The following P3H2 variants were observed in gnomAD, a reference collection of about 807,000 sequenced individuals.
P3H2 encodes the protein prolyl 3-hydroxylase 2.
In P3H2, 80 loss-of-function variants were observed where a neutral mutation model predicts 87.0. The observed-to-expected ratio is 0.92, with a 90% confidence interval of 0.77 to 1.11. P3H2 has a LOEUF of 1.11. P3H2 is among the 50% of genes least tolerant of loss of function. The probability of loss-of-function intolerance (pLI) is 0.00; values close to 1 mark genes in which losing one functional copy is unlikely to be tolerated. For synonymous variants in P3H2, 367 were observed against 359.3 expected (o/e 1.02, Z -0.24); for missense variants, 1,001 against 923.9 (o/e 1.08, Z -1.08).
intron 1 of P3H2, among the ~76,000 whole-genome samples, chr3:190,000,598 T>C (rs375557638): frequency 1.3e-5 from 2 of 152,322 alleles, no homozygotes; most frequent in East Asian, 1.9e-4. Flanking sequence ...AAGATTTCTC[T>C]TCAATGTAAT....
intron 1 of P3H2, among the ~76,000 whole-genome samples, chr3:190,042,040 C>T (rs1408210344): frequency 1.3e-5 from 2 of 152,130 alleles, no homozygotes; most frequent in East Asian, 3.9e-4. Flanking sequence ...AAACCAATGG[C>T]TTTTGGTAAT....
chr3:190,045,462 T>C (rs1000052201), intron 1 of P3H2, among the ~76,000 whole-genome samples: 6 of 152,124 alleles, frequency 3.9e-5, no homozygotes, highest in Admixed American at 1.3e-4. Context: ...TTTATTCATT[T>C]TTCCTTCCCC....
At chr3:189,973,718 G>T (rs1687245673) in intron 10 of P3H2, among the ~76,000 whole-genome samples, 191 bp downstream of exon 10, 1 of 151,664 alleles carries the variant, frequency 6.6e-6, no homozygotes. Flanking sequence ...TAGAGACGGG[G>T]TTTCACCATG....
At chr3:190,098,502 A>G (rs1430697033) in intron 1 of P3H2, among the ~76,000 whole-genome samples, 1 of 152,206 alleles carries the variant, frequency 6.6e-6, no homozygotes, top group Non-Finnish European at 1.5e-5. Flanking sequence ...TGATAGCACC[A>G]ATAACAATTA....
chr3:189,964,026 C>T lies in P3H2; in HGVS notation c.1966G>A (p.Ala656Thr). The T allele has an allele frequency of 6.2e-7, 1 of 1,614,158 alleles. No homozygotes were observed. Among genetic ancestry groups the T allele is most frequent in the Non-Finnish European group, 8.5e-7 (1 of 1,179,982 alleles). ...SGGENPHGVK[A>T]VTKGKRCAVA... ...GCACACCTCTTTCCCTTGGTGACTG[C>T]CTTCACCCCATGAGGGTTCTCTCCT... Residue 656 changes from alanine to threonine, a missense_variant, in exon 14 of 15, where the codon GCA becomes ACA. Ala to Thr is a moderately conservative substitution (Grantham distance 58). Coordinates refer to ENST00000319332, the MANE Select transcript of P3H2 (RefSeq NM_018192.4).
chr3:189,966,150 A>G (rs1195905868), intron 13 of P3H2, among the ~76,000 whole-genome samples: 1 of 145,752 alleles, frequency 6.9e-6, no homozygotes, highest in East Asian at 2.1e-4. Flanking sequence ...AAAGAAAGAA[A>G]GAAAGAAAGA....
chr3:190,077,501 T>C (rs1484238922), intron 1 of P3H2, among the ~76,000 whole-genome samples: 2 of 152,196 alleles, frequency 1.3e-5, no homozygotes, highest in South Asian at 2.1e-4. Flanking sequence ...AGCAAAAGAA[T>C]GGCCTGAAAT....
chr3:189,964,778 GAC>G (rs1722926261), intron 13 of P3H2, among the ~76,000 whole-genome samples: 1 of 152,208 alleles, frequency 6.6e-6, no homozygotes, highest in Non-Finnish European at 1.5e-5. Flanking sequence ...TTTTAAGACT[GAC>G]ACAGTCCTTC....
intron 1 of P3H2, among the ~76,000 whole-genome samples, chr3:190,027,774 C>G (rs569673681): frequency 1.3e-5 from 2 of 152,136 alleles, no homozygotes; most frequent in African/African-American, 4.8e-5. Context: ...GGATTTCCCT[C>G]TGCTGCTCTT....
chr3:190,105,336 G>A (rs1056127420), intron 1 of P3H2, among the ~76,000 whole-genome samples: 2 of 152,160 alleles, frequency 1.3e-5, no homozygotes, highest in Non-Finnish European at 2.9e-5. Context: ...ATAAAGATCA[G>A]GAACAATCGC....
At chr3:190,031,378 C>CTGT (rs10625841) in intron 1 of P3H2, among the ~76,000 whole-genome samples, 119,324 of 151,574 alleles carry the variant, frequency 0.79, 47,014 homozygotes, top group East Asian at 0.86. Flanking sequence ...GGTCTCATGC[C>CTGT]TGTAATCCCA....
In P3H2 at chr3:189,982,974, C is replaced by T. The variant is rs1478347844; in HGVS notation, c.1324+72G>A. 3 of 1,148,226 alleles carry T rather than the reference C, an allele frequency of 2.6e-6. No individual in the cohort carries two copies. In the Admixed American group the frequency reaches 5.1e-5, roughly 19 times the overall value. 71.1% of individuals were successfully genotyped at this position (1,148,226 alleles called of 1,614,324 possible). ...TAGAGAAAGTGGGTTCTTCCTTGAT[C>T]TGGAAAAGAACTGGTCAAGCCCCAT... On this transcript the variant is annotated intron_variant, in intron 8 of 14. Coordinates refer to ENST00000319332, the MANE Select transcript of P3H2 (RefSeq NM_018192.4).
intron 1 of P3H2, among the ~76,000 whole-genome samples, chr3:190,114,216 C>T (rs1405414568): frequency 1.4e-5 from 2 of 145,612 alleles, no homozygotes; most frequent in Admixed American, 7.1e-5. Context: ...CGGAGTCTTG[C>T]TCTGTCGCCC....
chr3:189,969,402 A>G, intron 13 of P3H2: 1 of 791,916 alleles, frequency 1.3e-6, no homozygotes. Context: ...GCTTCTTAGC[A>G]GTCTCTATAA....
At chr3:190,026,492 T>C (rs553439868) in intron 1 of P3H2, among the ~76,000 whole-genome samples, 10 of 152,286 alleles carry the variant, frequency 6.6e-5, no homozygotes, top group Admixed American at 5.2e-4. Context: ...TCATCCTCAC[T>C]GCTACACTCC....
intron 1 of P3H2, among the ~76,000 whole-genome samples, chr3:190,045,894 G>A (rs1725783767): frequency 6.6e-6 from 1 of 152,100 alleles, no homozygotes; most frequent in African/African-American, 2.4e-5. Context: ...GGCCAAGGTG[G>A]GCAGATCACG....
intron 1 of P3H2, among the ~76,000 whole-genome samples, chr3:190,057,509 C>T (rs1726195749): frequency 6.6e-6 from 1 of 152,110 alleles, no homozygotes; most frequent in Non-Finnish European, 1.5e-5. Context: ...TATTCCTTTC[C>T]CTAGTTCCCT....
chr3:190,095,347 T>C (rs1247596644), intron 1 of P3H2, among the ~76,000 whole-genome samples: 6 of 111,496 alleles, frequency 5.4e-5, no homozygotes, highest in East Asian at 2.6e-4. Flanking sequence ...TATATATATA[T>C]ATGGATTATC....
intron 1 of P3H2, among the ~76,000 whole-genome samples, chr3:190,062,500 A>G (rs182126962): frequency 1.3e-5 from 2 of 152,258 alleles, no homozygotes; most frequent in African/African-American, 4.8e-5. Context: ...TGTGGCCCAT[A>G]CATTACCCAC....
Sources: allele counts gnomAD v4.1 joint callset (sites outside exome capture counted in the v4.1 genomes callset), GRCh38; gene constraint gnomAD v4.1.1; transcripts MANE v1.5; gene names NCBI Gene and HGNC (gene_info 2026-07-23, HGNC 2026-07-21).